NEGR1: variants seen among roughly 807,000 people sequenced by gnomAD.
NEGR1 encodes IgLON family member 4.
A neutral mutation model predicts 40.9 loss-of-function variants in NEGR1; 10 were observed. That is an observed-to-expected ratio of 0.24 (90% CI 0.15 to 0.42). NEGR1 has a LOEUF of 0.42. NEGR1 is among the 10% of genes least tolerant of loss of function. NEGR1 has a pLI of 1.00. For missense variants in NEGR1, 352 were observed against 438.9 expected (o/e 0.80, Z 1.77); for synonymous variants, 185 against 166.8 (o/e 1.11, Z -0.84).
intron 6 of NEGR1, among the ~76,000 whole-genome samples, chr1:71,436,947 T>C (rs1278300126): frequency 6.6e-6 from 1 of 152,148 alleles, no homozygotes; most frequent in East Asian, 1.9e-4. Context: ...TAGTTAAGTT[T>C]TTTGGGAGAT....
chr1:71,418,137 G>A (rs1348955209), intron 6 of NEGR1, among the ~76,000 whole-genome samples: 1 of 143,298 alleles, frequency 7.0e-6, no homozygotes, highest in African/African-American at 2.6e-5. Context: ...GTTGACTCTT[G>A]TGTTGAGATA....
chr1:71,697,873 A>T (rs1408612079), intron 4 of NEGR1, 135 bp downstream of exon 4: 3 of 730,040 alleles, frequency 4.1e-6, no homozygotes, highest in Non-Finnish European at 6.7e-6. Flanking sequence ...CAACATCTAC[A>T]CGTCTTCAGT....
chr1:71,928,027 T>TACAC (rs150454041), intron 2 of NEGR1, among the ~76,000 whole-genome samples: 6,443 of 77,290 alleles, frequency 0.083, 672 homozygotes, highest in South Asian at 0.13. Context: ...AATAAATAAA[T>TACAC]ACACACACAC....
At chr1:72,080,256 C>A (rs1047245726) in intron 1 of NEGR1, among the ~76,000 whole-genome samples, 13 of 151,944 alleles carry the variant, frequency 8.6e-5, no homozygotes, top group African/African-American at 3.1e-4. Flanking sequence ...TGAAAATAAT[C>A]TTGCATCTTT....
At chr1:71,635,337 T>A (rs1651112476) in intron 4 of NEGR1, among the ~76,000 whole-genome samples, 1 of 151,886 alleles carries the variant, frequency 6.6e-6, no homozygotes, top group African/African-American at 2.4e-5. Flanking sequence ...ACTAAAACAA[T>A]CTATCACTTT....
intron 1 of NEGR1, among the ~76,000 whole-genome samples, chr1:71,989,081 G>A (rs1646428601): frequency 6.6e-6 from 1 of 152,034 alleles, no homozygotes; most frequent in Admixed American, 6.5e-5. Flanking sequence ...ACTACCAAGT[G>A]AAAGCAAGAG....
intron 1 of NEGR1, among the ~76,000 whole-genome samples, chr1:72,034,280 T>C (rs1237881596): frequency 6.6e-6 from 1 of 152,228 alleles, no homozygotes; most frequent in Non-Finnish European, 1.5e-5. Flanking sequence ...TTTATTTCTT[T>C]AGCCCTTGGA....
intron 1 of NEGR1, among the ~76,000 whole-genome samples, chr1:72,088,125 T>C (rs1648297273): frequency 6.6e-6 from 1 of 152,208 alleles, no homozygotes; most frequent in East Asian, 1.9e-4. Flanking sequence ...GGGTCTTTCT[T>C]TGATGGCTAA....
At chr1:71,628,284 T>G (rs960392319) in intron 4 of NEGR1, among the ~76,000 whole-genome samples, 2 of 151,998 alleles carry the variant, frequency 1.3e-5, no homozygotes, top group African/African-American at 4.8e-5. Context: ...TGTATTTCCC[T>G]AAGACTTGGC....
intron 3 of NEGR1, among the ~76,000 whole-genome samples, chr1:71,765,048 C>A (rs144257415): frequency 6.6e-6 from 1 of 151,884 alleles, no homozygotes; most frequent in Non-Finnish European, 1.5e-5. Context: ...GCATGGTCAC[C>A]GGTGGTCGGC....
At chr1:71,719,405 C>G (rs1435254762) in intron 3 of NEGR1, among the ~76,000 whole-genome samples, 1 of 151,860 alleles carries the variant, frequency 6.6e-6, no homozygotes, top group Non-Finnish European at 1.5e-5. Flanking sequence ...TCTGGCCTGT[C>G]CAGAATGTAA....
chr1:72,163,662 CT>C (rs995064462), intron 1 of NEGR1, among the ~76,000 whole-genome samples: 8 of 151,708 alleles, frequency 5.3e-5, no homozygotes, highest in Admixed American at 5.3e-4. Flanking sequence ...TAATTTTGTC[CT>C]TTTCTGAAAC....
chr1:71,944,823 G>T (rs888764018), intron 1 of NEGR1, among the ~76,000 whole-genome samples: 1 of 151,974 alleles, frequency 6.6e-6, no homozygotes, highest in Non-Finnish European at 1.5e-5. Context: ...ATAAAAAATG[G>T]TTACACAGTC....
intron 1 of NEGR1, among the ~76,000 whole-genome samples, chr1:72,266,176 T>C (rs944702203): frequency 2.7e-5 from 4 of 150,894 alleles, no homozygotes; most frequent in African/African-American, 9.7e-5. Flanking sequence ...TGGTGAGTAA[T>C]TGACATAACA....
intron 2 of NEGR1, among the ~76,000 whole-genome samples, chr1:71,875,487 G>A (rs560276941): frequency 2.0e-5 from 3 of 152,268 alleles, no homozygotes; most frequent in African/African-American, 7.2e-5. Flanking sequence ...TTGATAATCA[G>A]GGCAGTTGAA....
intron 6 of NEGR1, among the ~76,000 whole-genome samples, chr1:71,549,221 A>C (rs1240951801): frequency 4.0e-5 from 6 of 151,752 alleles, no homozygotes; most frequent in African/African-American, 9.7e-5. Flanking sequence ...TTCAGATCTT[A>C]ACCTTAAGAT....
chr1:72,250,484 A>G (rs1655051600), intron 1 of NEGR1, among the ~76,000 whole-genome samples: 1 of 152,232 alleles, frequency 6.6e-6, no homozygotes, highest in South Asian at 2.1e-4. Flanking sequence ...CTAGGAACAA[A>G]CAATGAAATA....
Position 71,407,558 on chromosome 1 carries a change from G to C in NEGR1, c.953C>G (p.Ala318Gly). The C allele has an allele frequency of 6.2e-7, 1 of 1,612,124 alleles. No homozygotes were observed. Among genetic ancestry groups the C allele is most frequent in the Non-Finnish European group, 8.5e-7 (1 of 1,178,490 alleles). ...ASLPLNPPST[A>G]QYGITGSADV... is the part of the protein sequence containing the mutation. ...AGCGCTCCCGGTAATTCCATACTGGGCTGTACTTGGAGCTGGAAAGAAATG... is the reference window on the plus strand; with the variant it reads ...AGCGCTCCCGGTAATTCCATACTGGCCTGTACTTGGAGCTGGAAAGAAATG... Residue 318 changes from alanine (A) to glycine (G), a missense_variant, in exon 7 of 7, where the codon GCC becomes GGC. Ala to Gly is a moderately conservative substitution (Grantham distance 60, BLOSUM62 0). Coordinates refer to ENST00000357731, the MANE Select transcript of NEGR1 (RefSeq NM_173808.3).
intron 1 of NEGR1, among the ~76,000 whole-genome samples, chr1:72,056,498 T>G (rs1647111712): frequency 6.6e-6 from 1 of 151,352 alleles, no homozygotes; most frequent in Non-Finnish European, 1.5e-5. Context: ...GATTCTGTAA[T>G]GAGAATTGAA....
Sources: gnomAD v4.1 joint callset for allele counts (sites outside exome capture counted in the v4.1 genomes callset) on GRCh38, gnomAD v4.1.1 for gene constraint, MANE v1.5 for transcripts, NCBI Gene and HGNC (gene_info 2026-07-23, HGNC 2026-07-21) for gene names.